Variants in VPS13D observed in about 807,000 individuals in gnomAD.
VPS13D encodes the protein intermembrane lipid transfer protein VPS13D.
Under a neutral mutation model 461.9 loss-of-function variants are expected in VPS13D, and 187 were observed. The observed-to-expected ratio is 0.40, with a 90% CI of 0.36 to 0.46. VPS13D has a LOEUF of 0.46. Among genes scored for constraint, VPS13D ranks in the 20% least tolerant of loss-of-function variants. The pLI is 0.60. For synonymous variants in VPS13D, 1,951 were observed against 1,986.3 expected (o/e 0.98, Z 0.47); for missense variants, 4,711 against 5,364.9 (o/e 0.88, Z 3.81).
chr1:12,413,710 G>A (rs60244464), intron 63 of VPS13D, among the ~76,000 whole-genome samples: 1 of 151,846 alleles, frequency 6.6e-6, no homozygotes, highest in Non-Finnish European at 1.5e-5. Context: ...GGCCTCAAGC[G>A]ATCCTCCCAC....
chr1:12,249,280 C>G lies in VPS13D; in HGVS notation c.505C>G (p.Pro169Ala). 6.2e-7 allele frequency: 1 copy of G among 1,614,052 alleles called. No individual in the cohort carries two copies. The change falls in exon 6 of 70, where the codon CCT becomes GCT. Residue 169 changes from proline (P) to alanine (A), a missense_variant. This residue lies in a region of VPS13D where 4,411 missense variants were observed against 4,937.8 expected (regional missense o/e 0.89). Transcript: ENST00000620676. Reference sequence around the variant, plus strand: ...AGATGGTGTCACCAATCCCTCCCATCCTTTTGCTTTTGGCATCTGCATTAA... The same window carrying G: ...AGATGGTGTCACCAATCCCTCCCATGCTTTTGCTTTTGGCATCTGCATTAA... ...FEDGVTNPSH[P>A]FAFGICIKNV...
intron 57 of VPS13D, among the ~76,000 whole-genome samples, chr1:12,379,908 A>G (rs537217994): frequency 1.3e-5 from 2 of 152,026 alleles, no homozygotes; most frequent in Admixed American, 6.5e-5. Flanking sequence ...AGCTGGGACT[A>G]CAGGTGCCCG....
At chr1:12,313,196 A>G (rs923640461) in intron 29 of VPS13D, among the ~76,000 whole-genome samples, 1 of 151,970 alleles carries the variant, frequency 6.6e-6, no homozygotes, top group African/African-American at 2.4e-5. Context: ...CTTTCTGTTG[A>G]AAGTCCGCCA....
intron 67 of VPS13D, among the ~76,000 whole-genome samples, chr1:12,470,406 AT>A (rs1415018038): frequency 6.6e-6 from 1 of 152,220 alleles, no homozygotes; most frequent in East Asian, 1.9e-4. Context: ...AAATTACCAC[AT>A]GTGAAGTGCT....
At position 12,349,160 on chromosome 1, in the gene VPS13D, G is replaced by T. The variant is rs1233255765; in HGVS notation, c.9221-4G>T. 1 of 1,613,286 alleles carries T rather than the reference G, an allele frequency of 6.2e-7. No individual in the cohort carries two copies. The highest frequency in any genetic ancestry group is 1.3e-5 in the African/African-American group (1 of 75,016). The stretch of plus-strand genomic sequence containing the variant: ...GAAAGTGTTAACCCTTATTTCTGTG[G>T]CAGAGCCAGTGGTGCTTCCTGCTAT... On this transcript the variant is annotated splice_region_variant and splice_polypyrimidine_tract_variant and intron_variant, in intron 45 of 69. Coordinates refer to ENST00000620676, the MANE Select transcript of VPS13D (RefSeq NM_015378.4).
chr1:12,305,377 C>T (rs533385196), intron 26 of VPS13D, among the ~76,000 whole-genome samples: 1 of 152,194 alleles, frequency 6.6e-6, no homozygotes, highest in African/African-American at 2.4e-5. Flanking sequence ...TGAGCTCACT[C>T]GATCCTCCCA....
At position 12,473,555 on chromosome 1, in the gene VPS13D, T is replaced by C. The variant is rs961929615; in HGVS notation, c.12662+13159T>C. Among the ~76,000 whole-genome samples, 3 of 152,178 alleles carry C rather than the reference T, an allele frequency of 2.0e-5. No individual in the cohort carries two copies. The highest frequency in any genetic ancestry group is 4.4e-5 in the Non-Finnish European group (3 of 68,032). ...ATGAGATTCCTTTGAGTCATATGCC[T>C]ACCTCGGTGGGTGGTTACGTGGATT... On this transcript the variant is annotated intron_variant, in intron 67 of 69. Coordinates refer to ENST00000620676, the MANE Select transcript of VPS13D (RefSeq NM_015378.4). This position sits in a 1 kb window ranked among gnomAD's most constrained non-coding sequence, Gnocchi z 4.2.
chr1:12,365,321 A>G (rs778746076), intron 52 of VPS13D, among the ~76,000 whole-genome samples: 2 of 152,346 alleles, frequency 1.3e-5, no homozygotes, highest in Non-Finnish European at 2.9e-5. Flanking sequence ...TAGGGATTGC[A>G]TTAAGTCCAT....
intron 63 of VPS13D, among the ~76,000 whole-genome samples, chr1:12,405,612 C>T (rs867659405): frequency 7.9e-5 from 12 of 152,280 alleles, no homozygotes; most frequent in South Asian, 2.1e-4. Context: ...CTGCTTCATT[C>T]GCTTTAATTT....
intron 66 of VPS13D, among the ~76,000 whole-genome samples, chr1:12,458,390 G>A (rs1332926187): frequency 2.0e-5 from 3 of 152,130 alleles, no homozygotes; most frequent in Non-Finnish European, 2.9e-5. Context: ...TGTGTGCTCT[G>A]CCAAAAACTT....
intron 65 of VPS13D, among the ~76,000 whole-genome samples, chr1:12,417,900 CT>C (rs1457022092): frequency 3.0e-4 from 46 of 152,058 alleles, no homozygotes; most frequent in African/African-American, 1.1e-3. Flanking sequence ...ACAGTCTTTT[CT>C]TTTTCTTTTT....
In VPS13D at chr1:12,488,531, G is replaced by A. The variant is rs1645832036; in HGVS notation, c.12663-8969G>A. On this transcript the variant is annotated intron_variant, in intron 67 of 69. Coordinates refer to ENST00000620676, the MANE Select transcript of VPS13D (RefSeq NM_015378.4). ...AAGAGGTCAACTTTGGGAGAAGGTA[G>A]ATAATATATAAACATTGAAAGAAAA... is the stretch of plus-strand genomic sequence containing the variant. Among the ~76,000 whole-genome samples the A allele has an allele frequency of 2.8e-5, 4 of 144,170 alleles. No individual in the cohort carries two copies. In the South Asian group the frequency reaches 8.6e-4, roughly 31 times the overall value. The allele number at this position is 144,170 out of a possible 152,430, so 94.6% of individuals were successfully genotyped here. A position where few individuals can be genotyped will look rare whatever the true frequency, so the allele number is the denominator to read the frequency against.
chr1:12,372,107 G>A (rs1644127467), intron 54 of VPS13D, among the ~76,000 whole-genome samples: 1 of 152,142 alleles, frequency 6.6e-6, no homozygotes, highest in African/African-American at 2.4e-5. Flanking sequence ...AGGCTGGAGT[G>A]CAGTGGCACA....
At chr1:12,494,792 G>C (rs1645934328) in intron 67 of VPS13D, among the ~76,000 whole-genome samples, 1 of 152,184 alleles carries the variant, frequency 6.6e-6, no homozygotes, top group African/African-American at 2.4e-5. Flanking sequence ...AGGAAGATGG[G>C]GTTCTAGCTG....
chr1:12,361,130 T>C (rs1300261773), intron 50 of VPS13D, among the ~76,000 whole-genome samples: 1 of 152,188 alleles, frequency 6.6e-6, no homozygotes, highest in African/African-American at 2.4e-5. Flanking sequence ...AATTAAAATA[T>C]CTAACTTAGA....
chr1:12,282,051 C>T (rs1175387182), intron 20 of VPS13D, among the ~76,000 whole-genome samples: 2 of 152,094 alleles, frequency 1.3e-5, no homozygotes, highest in African/African-American at 4.8e-5. Context: ...CCACACTCTG[C>T]TAATTTTGTA....
At chr1:12,410,674 T>A (rs1228809128) in intron 63 of VPS13D, among the ~76,000 whole-genome samples, 1 of 151,994 alleles carries the variant, frequency 6.6e-6, no homozygotes, top group Non-Finnish European at 1.5e-5. Context: ...TATCAAATAA[T>A]AAGGGAAAAT....
chr1:12,314,469 G>A (rs1344464020), intron 30 of VPS13D, 142 bp downstream of exon 30: 22 of 735,846 alleles, frequency 3.0e-5, no homozygotes, highest in Non-Finnish European at 4.6e-5. Context: ...GCAGTGTACT[G>A]TATATTAATG....
At position 12,242,751 on chromosome 1, in the gene VPS13D, G is replaced by A. The variant is rs748019970; in HGVS notation, c.175+161G>A. 5.3e-5 allele frequency among the ~76,000 whole-genome samples: 8 copies of A among 152,230 alleles called. No homozygotes were observed. In the East Asian group the frequency reaches 1.2e-3, roughly 22 times the overall value. On this transcript the variant is annotated intron_variant, in intron 3 of 69. Transcript: ENST00000620676. ...TTAAAGTGTGGTCTTTGGGCCACTC[G>A]TATCAGGATGACCTTGTGATGGTGG...
Sources: allele counts gnomAD v4.1 joint callset (sites outside exome capture counted in the v4.1 genomes callset), GRCh38; gene constraint gnomAD v4.1.1; regional missense constraint gnomAD v4.1.1; non-coding constraint Gnocchi (gnomAD v3.1); transcripts MANE v1.5; gene names NCBI Gene and HGNC (gene_info 2026-07-23, HGNC 2026-07-21).